The following SUGCT variants were observed in gnomAD, a reference collection of about 807,000 sequenced individuals.
SUGCT encodes succinyl-CoA:glutarate-CoA transferase, also known as succinyl-CoA:glutarate CoA-transferase.
In SUGCT, 41 loss-of-function variants were observed where a neutral mutation model predicts 55.0. The observed-to-expected ratio is 0.74, with a 90% CI of 0.58 to 0.97. The LOEUF is 0.97. Among genes scored for constraint, SUGCT ranks in the 50% least tolerant of loss-of-function variants. The probability of loss-of-function intolerance (pLI) is 0.00; values close to 1 mark genes in which losing one functional copy is unlikely to be tolerated. For synonymous variants in SUGCT, 187 were observed against 200.4 expected (o/e 0.93, Z 0.56); for missense variants, 568 against 547.8 (o/e 1.04, Z -0.37).
At chr7:40,172,896 G>A (rs1584251473) in intron 1 of SUGCT, among the ~76,000 whole-genome samples, 1 of 152,194 alleles carries the variant, frequency 6.6e-6, no homozygotes, top group African/African-American at 2.4e-5. Flanking sequence ...TGGCCAACAG[G>A]TGCCTGGTAT....
rs1452847552 is a variant in SUGCT at position 40,221,494 on chromosome 7, C to CTTTTTTTTTTTTTTTTT, written c.485-16125_485-16124insTTTTTTTTTTTTTTTTT. 1.5e-5 allele frequency among the ~76,000 whole-genome samples: 2 copies of CTTTTTTTTTTTTTTTTT among 130,598 alleles called. 1 individual carries two copies. 85.7% of individuals were successfully genotyped at this position (130,598 alleles called of 152,430 possible). ...TTTAATTTAGAAAGCTGTTATTGGT[C>CTTTTTTTTTTTTTTTTT]TTTTTTTTTTTTTTTTGGCAGAGTT... On this transcript the variant is annotated intron_variant, in intron 6 of 13. Transcript: ENST00000335693.
chr7:40,485,900 G>T (rs1049039399), intron 11 of SUGCT, among the ~76,000 whole-genome samples: 1 of 152,092 alleles, frequency 6.6e-6, no homozygotes, highest in African/African-American at 2.4e-5. Context: ...TTAATATGCT[G>T]TTGAACTCCA....
Position 40,668,266 on chromosome 7 carries a change from C to CT in SUGCT, c.1090-81165dup. On this transcript the variant is annotated intron_variant, in intron 12 of 13. Coordinates refer to ENST00000335693, the MANE Select transcript of SUGCT (RefSeq NM_001193313.2). ...TGAGTTCAGAATTTTAAAATTATTT[C>CT]TTTCAAACAACTCCGAGGTATTTAA... Among the ~76,000 whole-genome samples the CT allele has an allele frequency of 2.0e-5, 3 of 152,252 alleles. No individual in the cohort carries two copies. In the Middle Eastern group the frequency reaches 0.01, roughly 518 times the overall value.
chr7:40,475,383 A>G (rs1790608153), intron 11 of SUGCT, among the ~76,000 whole-genome samples: 1 of 152,144 alleles, frequency 6.6e-6, no homozygotes, highest in Non-Finnish European at 1.5e-5. Flanking sequence ...TGCAAACTGC[A>G]TTTCTCCGTC....
chr7:40,545,573 C>T (rs777293252), intron 12 of SUGCT, among the ~76,000 whole-genome samples: 3 of 152,100 alleles, frequency 2.0e-5, no homozygotes, highest in African/African-American at 2.4e-5. Context: ...CGGACATTAA[C>T]GCTGTTAGAT....
At chr7:40,498,144 A>G (rs2151522706) in intron 12 of SUGCT, among the ~76,000 whole-genome samples, 1 of 152,288 alleles carries the variant, frequency 6.6e-6, no homozygotes, top group South Asian at 2.1e-4. Flanking sequence ...GAAAATTTAT[A>G]TTACCTAAGT....
chr7:40,362,635 C>A (rs1476239127), intron 9 of SUGCT, among the ~76,000 whole-genome samples: 2 of 151,914 alleles, frequency 1.3e-5, no homozygotes, highest in Non-Finnish European at 2.9e-5. Flanking sequence ...TTATATCCAA[C>A]AGAGAAGGAA....
chr7:40,486,366 A>G (rs4320458), intron 11 of SUGCT, among the ~76,000 whole-genome samples: 16,292 of 152,122 alleles, frequency 0.11, 1,173 homozygotes, highest in South Asian at 0.19. Flanking sequence ...CTTCTTCTTT[A>G]AAGAACTTGG....
In SUGCT at chr7:40,459,199, G is replaced by A; in HGVS notation, c.986+1G>A. On this transcript the variant is annotated splice_donor_variant, in intron 11 of 13. Coordinates refer to ENST00000335693, the MANE Select transcript of SUGCT (RefSeq NM_001193313.2). LOFTEE classifies it high-confidence loss of function. ...AGCTTATTAAAATATTATCTGAACG[G>A]TAAGTTTGGATGTTGTATTCATCCA... 6.4e-7 allele frequency: 1 copy of A among 1,567,960 alleles called. No individual in the cohort carries two copies. Among genetic ancestry groups the A allele is most frequent in the Non-Finnish European group, 8.8e-7 (1 of 1,141,206 alleles).
At chr7:40,715,202 G>C (rs931001524) in intron 12 of SUGCT, among the ~76,000 whole-genome samples, 4 of 152,142 alleles carry the variant, frequency 2.6e-5, no homozygotes, top group Non-Finnish European at 5.9e-5. Flanking sequence ...ATTCTTGAAC[G>C]ATCTATTCAT....
rs114323429 is a variant in SUGCT, at chr7:40,188,776, A to G, written c.312+196A>G. 2.8e-3 allele frequency among the ~76,000 whole-genome samples: 425 copies of G among 152,248 alleles called. 2 individuals are homozygous for G. Among genetic ancestry groups the G allele is most frequent in the African/African-American group, 9.7e-3 (404 of 41,562 alleles). On this transcript the variant is annotated intron_variant, in intron 4 of 13. Transcript: ENST00000335693. ...AGCTTTTTACTACTCTTTCTTACCT[A>G]CTAAGTAACTTAGAACATTTCATAA... is the stretch of plus-strand genomic sequence containing the variant.
At chr7:40,362,686 T>A (rs1034728186) in intron 9 of SUGCT, among the ~76,000 whole-genome samples, 2 of 152,180 alleles carry the variant, frequency 1.3e-5, no homozygotes, top group East Asian at 1.9e-4. Flanking sequence ...AATATAATTT[T>A]AAAAATTGAG....
At chr7:40,761,775 A>G (rs1788543686) in intron 13 of SUGCT, among the ~76,000 whole-genome samples, 1 of 152,190 alleles carries the variant, frequency 6.6e-6, no homozygotes, top group Non-Finnish European at 1.5e-5. Context: ...ACAAGTTGTA[A>G]TGGTCATTTA....
chr7:40,360,143 AGCTGGGATTACAGGCACCC>A (rs1354731993), intron 9 of SUGCT, among the ~76,000 whole-genome samples: 1 of 152,058 alleles, frequency 6.6e-6, no homozygotes, highest in African/African-American at 2.4e-5. Context: ...CCTCCCAAGT[AGCTGGGATTACAGGCACCC>A]GCCACCACAC....
intron 1 of SUGCT, among the ~76,000 whole-genome samples, chr7:40,161,537 A>G (rs999153367): frequency 3.9e-5 from 6 of 152,188 alleles, no homozygotes; most frequent in Non-Finnish European, 8.8e-5. Flanking sequence ...CTACTTTGCC[A>G]GTTTTCCCCT....
At chr7:40,453,459 TG>T (rs1789302603) in intron 10 of SUGCT, among the ~76,000 whole-genome samples, 1 of 152,218 alleles carries the variant, frequency 6.6e-6, no homozygotes, top group Non-Finnish European at 1.5e-5. Flanking sequence ...ACCCCTTACT[TG>T]CATATGCACT....
At chr7:40,428,771 C>T (rs1423552454) in intron 9 of SUGCT, among the ~76,000 whole-genome samples, 2 of 152,128 alleles carry the variant, frequency 1.3e-5, no homozygotes, top group Non-Finnish European at 2.9e-5. Context: ...GGTTTACATA[C>T]CAATGTTACA....
intron 7 of SUGCT, among the ~76,000 whole-genome samples, chr7:40,249,319 A>ATCTATATATCTATATATC (rs1562612016): frequency 2.5e-5 from 1 of 39,762 alleles, no homozygotes; most frequent in Non-Finnish European, 6.4e-5. Context: ...AAAGCTATAT[A>ATCTATATATCTATATATC]TATATATATA....
chr7:40,422,929 CTT>C (rs1409119410), intron 9 of SUGCT, among the ~76,000 whole-genome samples: 1 of 151,846 alleles, frequency 6.6e-6, no homozygotes, highest in Non-Finnish European at 1.5e-5. Flanking sequence ...CTTATATTAT[CTT>C]TAAATAAAGC....
Sources: allele counts gnomAD v4.1 joint callset (sites outside exome capture counted in the v4.1 genomes callset), GRCh38; gene constraint gnomAD v4.1.1; transcripts MANE v1.5; gene names NCBI Gene and HGNC (gene_info 2026-07-23, HGNC 2026-07-21).